The following WIPF2 variants were observed in gnomAD, a reference collection of about 807,000 sequenced individuals.
WIPF2 encodes the protein WAS/WASL interacting protein family member 2.
In WIPF2, 23 loss-of-function variants were observed where a neutral mutation model predicts 38.8. That is an observed-to-expected ratio of 0.59 (90% CI 0.43 to 0.84). The LOEUF (loss-of-function observed/expected upper bound fraction) is 0.84. Among genes scored for constraint, WIPF2 ranks in the 40% least tolerant of loss-of-function variants. WIPF2 has a pLI of 0.00. For synonymous variants in WIPF2, 210 were observed against 223.2 expected, an observed-to-expected ratio of 0.94 and a Z score of 0.53; for missense variants, 574 against 580.5, an observed-to-expected ratio of 0.99 and a Z score of 0.11.
At position 40,219,394 on chromosome 17, in the gene WIPF2, G is replaced by GCGGCGGCGGCGGCGT. The variant is rs930602459; in HGVS notation, c.-163_-162insGCGGCGGCGTCGGCG. 4 of 416,486 alleles carry GCGGCGGCGGCGGCGT rather than the reference G, an allele frequency of 9.6e-6. No homozygotes were observed. The highest frequency in any genetic ancestry group is 1.8e-5 in the Non-Finnish European group (4 of 219,770). The allele number at this position is 416,486 out of a possible 1,614,324, so 25.8% of individuals were successfully genotyped here. On this transcript the variant is annotated 5_prime_UTR_variant, in exon 1 of 8. Transcript: ENST00000323571. ...GGCGGCGGCGGCGGCGGCGGCGGCG[G>GCGGCGGCGGCGGCGT]CGGCGACGGCGAGAAAGAGCTTGCC...
At position 40,240,817 on chromosome 17, in the gene WIPF2, C is replaced by T. The variant is rs565728768; in HGVS notation, c.-69-15574C>T. Among the ~76,000 whole-genome samples the T allele has an allele frequency of 9.0e-4, 137 of 151,740 alleles. No individual in the cohort carries two copies. In the Middle Eastern group the frequency reaches 0.02, roughly 23 times the overall value. On this transcript the variant is annotated intron_variant, in intron 1 of 7. Transcript: ENST00000323571. ...AAAATTAGCTGGGCGTGGTGGCAGG[C>T]GCCTGTAGTACCAGCTACTCGGGAG...
intron 1 of WIPF2, among the ~76,000 whole-genome samples, chr17:40,221,062 G>A (rs2030214363): frequency 6.6e-6 from 1 of 151,940 alleles, no homozygotes; most frequent in Admixed American, 6.6e-5. Flanking sequence ...GATTAGAGGC[G>A]TGAGCCCCTG....
Position 40,261,035 on chromosome 17 carries a change from TAA to T in WIPF2, c.196+388_196+389del, listed in dbSNP as rs34087528. ...AGCAAGACCCTGTCTCTCAAAAAGG[TAA>T]AAAAAAAAAAAAAAAAAAAGGCTGC... On this transcript the variant is annotated intron_variant, in intron 3 of 7. Transcript: ENST00000323571. Among the ~76,000 whole-genome samples, 118 of 93,538 alleles carry T rather than the reference TAA, an allele frequency of 1.3e-3. No individual in the cohort carries two copies. In the South Asian group the frequency reaches 0.013, roughly 10 times the overall value. 61.4% of individuals were successfully genotyped at this position (93,538 alleles called of 152,430 possible). A position where few individuals can be genotyped will look rare whatever the true frequency, so the allele number is the denominator to read the frequency against.
chr17:40,225,799 G>A (rs1199225321), intron 1 of WIPF2, among the ~76,000 whole-genome samples: 2 of 152,136 alleles, frequency 1.3e-5, no homozygotes, highest in Non-Finnish European at 2.9e-5. Context: ...TGGGACTACA[G>A]GCGCACGCCA....
chr17:40,268,297 T>C (rs538985882), intron 5 of WIPF2, among the ~76,000 whole-genome samples: 2 of 152,354 alleles, frequency 1.3e-5, no homozygotes, highest in East Asian at 3.9e-4. Context: ...ACTGCATTCC[T>C]GATCCCATAT....
intron 5 of WIPF2, among the ~76,000 whole-genome samples, chr17:40,268,613 T>G (rs1567723708): frequency 2.0e-5 from 3 of 152,144 alleles, no homozygotes; most frequent in Non-Finnish European, 4.4e-5. Flanking sequence ...TTTATTTTTA[T>G]TTTTTAAGAT....
At chr17:40,239,697 T>TC (rs1020499005) in intron 1 of WIPF2, among the ~76,000 whole-genome samples, 5 of 144,816 alleles carry the variant, frequency 3.5e-5, no homozygotes, top group South Asian at 2.3e-4. Flanking sequence ...TTTTCTTTTT[T>TC]TTTTTTTTTT....
intron 7 of WIPF2, 52 bp downstream of exon 7, chr17:40,277,236 T>G (rs1191300471): frequency 6.7e-7 from 1 of 1,488,188 alleles, no homozygotes; most frequent in South Asian, 1.2e-5. Context: ...ATGTAGAATC[T>G]GTGCATTTTC....
intron 1 of WIPF2, among the ~76,000 whole-genome samples, chr17:40,235,827 G>A (rs1001037456): frequency 3.3e-5 from 5 of 152,022 alleles, no homozygotes; most frequent in Non-Finnish European, 7.4e-5. Flanking sequence ...GCCTGTCTTG[G>A]CCTCCCAAAG....
intron 1 of WIPF2, among the ~76,000 whole-genome samples, chr17:40,228,004 CTTTTTGTTTT>C (rs1318597526): frequency 2.5e-5 from 3 of 119,934 alleles, no homozygotes; most frequent in Admixed American, 8.7e-5. Flanking sequence ...TTTTATACCT[CTTTTTGTTTT>C]TTTTTTTTTT....
At chr17:40,266,269 C>G (rs1269433618) in intron 5 of WIPF2, among the ~76,000 whole-genome samples, 1 of 150,730 alleles carries the variant, frequency 6.6e-6, no homozygotes, top group Non-Finnish European at 1.5e-5. Flanking sequence ...GAGGGCTGAG[C>G]CCTCGCCCTC....
At chr17:40,249,433 A>G (rs1310108337) in intron 1 of WIPF2, among the ~76,000 whole-genome samples, 3 of 152,286 alleles carry the variant, frequency 2.0e-5, no homozygotes, top group South Asian at 2.1e-4. Flanking sequence ...GTCTTTTTAA[A>G]GATGGATAGA....
chr17:40,240,485 CTGCT>C (rs1462228369), intron 1 of WIPF2, among the ~76,000 whole-genome samples: 1 of 151,674 alleles, frequency 6.6e-6, no homozygotes, highest in East Asian at 1.9e-4. Flanking sequence ...TGGTGGGAAT[CTGCT>C]TGCTTCTTCC....
intron 1 of WIPF2, among the ~76,000 whole-genome samples, chr17:40,224,439 G>T (rs1485065222): frequency 1.4e-5 from 2 of 147,870 alleles, no homozygotes; most frequent in African/African-American, 5.0e-5. Context: ...AGTAGAGACG[G>T]GGTTTCAACT....
At chr17:40,263,514 T>G (rs1008861917) in intron 4 of WIPF2, among the ~76,000 whole-genome samples, 1 of 149,560 alleles carries the variant, frequency 6.7e-6, no homozygotes, top group Non-Finnish European at 1.5e-5. Flanking sequence ...GCTAAAAGAG[T>G]ATATTTTATT....
At chr17:40,226,999 C>T (rs2030520161) in intron 1 of WIPF2, among the ~76,000 whole-genome samples, 1 of 152,000 alleles carries the variant, frequency 6.6e-6, no homozygotes, top group African/African-American at 2.4e-5. Flanking sequence ...CCTCAGCCTC[C>T]CAAAGTGCTG....
intron 1 of WIPF2, among the ~76,000 whole-genome samples, chr17:40,238,015 A>G (rs71371416): frequency 6.7e-6 from 1 of 150,018 alleles, no homozygotes; most frequent in South Asian, 2.1e-4. Flanking sequence ...GCAGTGAGTC[A>G]AGATGGTGCC....
chr17:40,240,451 C>T (rs572508272), intron 1 of WIPF2, among the ~76,000 whole-genome samples: 2 of 151,882 alleles, frequency 1.3e-5, no homozygotes, highest in Non-Finnish European at 2.9e-5. Flanking sequence ...ATTTCTGAGA[C>T]GTTTTGATTC....
intron 2 of WIPF2, 36 bp from the exon 3 acceptor site, chr17:40,260,498 CT>C: frequency 6.2e-7 from 1 of 1,607,626 alleles, no homozygotes; most frequent in Non-Finnish European, 8.5e-7. Flanking sequence ...ATAAAGGGAA[CT>C]CTTTAGGGTG....
Sources: gnomAD v4.1 joint callset for allele counts (sites outside exome capture counted in the v4.1 genomes callset) on GRCh38, gnomAD v4.1.1 for gene constraint, MANE v1.5 for transcripts, NCBI Gene and HGNC (gene_info 2026-07-23, HGNC 2026-07-21) for gene names.